Variants in SEMA3A observed in about 807,000 individuals in gnomAD.
The protein encoded by SEMA3A is semaphorin-3A.
In SEMA3A, 29 loss-of-function variants were observed where a neutral mutation model predicts 97.9. That is an observed-to-expected ratio of 0.30 (90% CI 0.22 to 0.40). The LOEUF (loss-of-function observed/expected upper bound fraction) is 0.40. Ranked by LOEUF, SEMA3A falls within the 10% of genes least tolerant of loss-of-function variation. SEMA3A has a pLI of 1.00. For synonymous variants in SEMA3A, 321 were observed against 323.7 expected (o/e 0.99, Z 0.09); for missense variants, 763 against 951.3 (o/e 0.80, Z 2.60).
chr7:84,360,547 T>C (rs1267072062), intron 2 of SEMA3A, among the ~76,000 whole-genome samples: 1 of 152,044 alleles, frequency 6.6e-6, no homozygotes, highest in Non-Finnish European at 1.5e-5. Context: ...AACAAAATCC[T>C]TGCTTTGCTA....
At chr7:84,293,529 T>C (rs1800800451) in intron 3 of SEMA3A, among the ~76,000 whole-genome samples, 1 of 152,138 alleles carries the variant, frequency 6.6e-6, no homozygotes, top group African/African-American at 2.4e-5. Flanking sequence ...GCAAAAAATA[T>C]AACAATTACA....
chr7:84,211,873 G>C (rs1798636569), intron 3 of SEMA3A, among the ~76,000 whole-genome samples: 3 of 152,168 alleles, frequency 2.0e-5, no homozygotes, highest in Admixed American at 2.0e-4. Flanking sequence ...TCAATGTAAA[G>C]ACAAAAAGTA....
chr7:83,980,637 TATACAC>T (rs1206852437), intron 14 of SEMA3A, among the ~76,000 whole-genome samples: 4 of 79,070 alleles, frequency 5.1e-5, no homozygotes, highest in Admixed American at 1.6e-4. Flanking sequence ...TATATATATA[TATACAC>T]ACACACACAC....
At chr7:84,100,921 C>A (rs1192046721) in intron 4 of SEMA3A, among the ~76,000 whole-genome samples, 2 of 152,140 alleles carry the variant, frequency 1.3e-5, no homozygotes, top group Non-Finnish European at 2.9e-5. Flanking sequence ...TGACGCTTTT[C>A]TTTTTCACCT....
chr7:84,016,460 C>T (rs1211777409), intron 6 of SEMA3A, among the ~76,000 whole-genome samples: 1 of 151,734 alleles, frequency 6.6e-6, no homozygotes, highest in Non-Finnish European at 1.5e-5. Flanking sequence ...ATGGCATTAA[C>T]CCGGGAGGCG....
intron 1 of SEMA3A, among the ~76,000 whole-genome samples, chr7:84,439,296 T>C (rs1805212572): frequency 6.6e-6 from 1 of 152,082 alleles, no homozygotes; most frequent in Admixed American, 6.6e-5. Flanking sequence ...TATGACAGGA[T>C]GTAGAATGTA....
At chr7:84,112,092 T>C (rs1266176400) in intron 3 of SEMA3A, among the ~76,000 whole-genome samples, 2 of 152,178 alleles carry the variant, frequency 1.3e-5, no homozygotes, top group African/African-American at 4.8e-5. Context: ...TTCATGGGCC[T>C]TTCCCAAAGG....
chr7:84,076,161 T>A (rs1364123422), intron 4 of SEMA3A, among the ~76,000 whole-genome samples: 1 of 152,172 alleles, frequency 6.6e-6, no homozygotes, highest in African/African-American at 2.4e-5. Flanking sequence ...TTATGGTATA[T>A]CTTTGTTATG....
intron 3 of SEMA3A, among the ~76,000 whole-genome samples, chr7:84,229,031 T>C (rs1799056273): frequency 6.6e-6 from 1 of 152,104 alleles, no homozygotes; most frequent in Non-Finnish European, 1.5e-5. Context: ...TAATTTGAGA[T>C]TGTCTTTCAT....
intron 3 of SEMA3A, among the ~76,000 whole-genome samples, chr7:84,240,282 T>A (rs1242542595): frequency 6.6e-6 from 1 of 152,192 alleles, no homozygotes; most frequent in Non-Finnish European, 1.5e-5. Flanking sequence ...AGATCTTTAA[T>A]GCCTGGAAAC....
chr7:84,425,090 T>A (rs1401182569), intron 1 of SEMA3A, among the ~76,000 whole-genome samples: 2 of 107,650 alleles, frequency 1.9e-5, no homozygotes, highest in African/African-American at 7.8e-5. Flanking sequence ...ATATTTATAT[T>A]TTTATATAAA....
intron 3 of SEMA3A, among the ~76,000 whole-genome samples, chr7:84,300,411 T>G (rs576815099): frequency 1.3e-5 from 2 of 152,192 alleles, no homozygotes; most frequent in East Asian, 1.9e-4. Context: ...AGGCATAACA[T>G]AATTACACTT....
intron 3 of SEMA3A, among the ~76,000 whole-genome samples, chr7:84,219,747 C>G (rs952401412): frequency 6.6e-6 from 1 of 152,174 alleles, no homozygotes; most frequent in Admixed American, 6.5e-5. Flanking sequence ...ATTATCTTAG[C>G]TGTATCTTCT....
chr7:84,178,726 AACAG>A (rs1299544066), intron 1 of SEMA3A, among the ~76,000 whole-genome samples: 1 of 152,156 alleles, frequency 6.6e-6, no homozygotes, highest in Non-Finnish European at 1.5e-5. Context: ...TGAAAGAGGC[AACAG>A]ACAATTACTG....
chr7:84,046,235 G>T, intron 6 of SEMA3A, 89 bp downstream of exon 6: 1 of 1,433,822 alleles, frequency 7.0e-7, no homozygotes. Context: ...TAAATTTCAA[G>T]TCATATTGCA....
At chr7:83,996,791 C>A (rs1790241213) in intron 12 of SEMA3A, among the ~76,000 whole-genome samples, 1 of 152,074 alleles carries the variant, frequency 6.6e-6, no homozygotes. Flanking sequence ...TTTCTTAGTA[C>A]TTTAATGTCA....
At chr7:84,253,059 G>A (rs945740434) in intron 3 of SEMA3A, among the ~76,000 whole-genome samples, 2 of 151,794 alleles carry the variant, frequency 1.3e-5, no homozygotes, top group African/African-American at 2.4e-5. Flanking sequence ...TGTATTTTTA[G>A]TAGAGACAGG....
chr7:84,350,022 C>G lies in SEMA3A; in HGVS notation c.-169+21802G>C, dbSNP rs190943045. 2.2e-4 allele frequency among the ~76,000 whole-genome samples: 34 copies of G among 152,192 alleles called. No individual in the cohort carries two copies. In the East Asian group the frequency reaches 6.6e-3, roughly 29 times the overall value. On this transcript the variant is annotated intron_variant, in intron 2 of 3. Coordinates refer to the SEMA3A transcript ENST00000424555. The stretch of plus-strand genomic sequence containing the variant: ...ACATCCTCTCTGCCCCAAATCCCCC[C>G]AAATTGGCCTAATTACTAGTGTTCC...
chr7:84,385,833 T>G (rs1803382210), intron 1 of SEMA3A, among the ~76,000 whole-genome samples: 1 of 152,206 alleles, frequency 6.6e-6, no homozygotes, highest in African/African-American at 2.4e-5. Flanking sequence ...CAATTATTTT[T>G]CCAACACTGA....
Sources: allele counts gnomAD v4.1 joint callset (sites outside exome capture counted in the v4.1 genomes callset), GRCh38; gene constraint gnomAD v4.1.1; transcripts MANE v1.5; gene names NCBI Gene and HGNC (gene_info 2026-07-23, HGNC 2026-07-21).